Variants in RSPO2 observed in about 807,000 individuals in gnomAD.
RSPO2 encodes the protein R-spondin 2.
Under a neutral mutation model 30.9 loss-of-function variants are expected in RSPO2, and 14 were observed. That is an observed-to-expected ratio of 0.45 (90% confidence interval 0.30 to 0.71). The LOEUF (loss-of-function observed/expected upper bound fraction) is 0.71. Ranked by LOEUF, RSPO2 falls within the 30% of genes least tolerant of loss-of-function variation. The pLI is 0.08. For synonymous variants in RSPO2, 107 were observed against 96.4 expected (o/e 1.11, Z -0.64); for missense variants, 264 against 301.9 (o/e 0.87, Z 0.93).
At chr8:107,951,042 A>AGTTT (rs1554575790) in intron 5 of RSPO2, among the ~76,000 whole-genome samples, 1 of 55,002 alleles carries the variant, frequency 1.8e-5, no homozygotes, top group African/African-American at 6.3e-5. Flanking sequence ...AGGGAGAATA[A>AGTTT]GTTTTTTTTT....
At position 108,036,365 on chromosome 8, in the gene RSPO2, A is replaced by C. The variant is rs190536023; in HGVS notation, c.94+46180T>G. On this transcript the variant is annotated intron_variant, in intron 2 of 5. Coordinates refer to ENST00000276659, the MANE Select transcript of RSPO2 (RefSeq NM_178565.5). ...CTGTTTACAGCATGGTTTACTGAAA[A>C]TATGCTAACATATATAGCAAAAGAT... Among the ~76,000 whole-genome samples the C allele has an allele frequency of 2.4e-3, 361 of 152,314 alleles. 5 individuals carry two copies. Among genetic ancestry groups the C allele is most frequent in the Non-Finnish European group, 2.4e-4 (16 of 68,028 alleles).
intron 3 of RSPO2, chr8:107,983,658 T>C: frequency 3.8e-6 from 6 of 1,592,848 alleles, no homozygotes; most frequent in South Asian, 3.3e-5. Context: ...TGAAGAGGCA[T>C]GTGGAATTCC....
intron 2 of RSPO2, among the ~76,000 whole-genome samples, chr8:107,998,341 G>A (rs139587913): frequency 1.1e-3 from 165 of 152,152 alleles, no homozygotes; most frequent in African/African-American, 3.8e-3. Flanking sequence ...GGCAGCAGTG[G>A]TATAAAAATC....
rs537001118 is a variant in RSPO2 at position 107,899,953 on chromosome 8, T to C, written c.*1122A>G. On this transcript the variant is annotated 3_prime_UTR_variant, in exon 6 of 6. Coordinates refer to ENST00000276659, the MANE Select transcript of RSPO2 (RefSeq NM_178565.5). Reference sequence around the variant, plus strand: ...AATTCTATGCCCAGGCTCATGGTAGTAGCTTCTTCAGTGACCCAAGAACAT... The same window carrying C: ...AATTCTATGCCCAGGCTCATGGTAGCAGCTTCTTCAGTGACCCAAGAACAT... 2 of 152,228 alleles carry C rather than the reference T, an allele frequency of 1.3e-5. No homozygotes were observed. The highest frequency in any genetic ancestry group is 2.9e-5 in the Non-Finnish European group (2 of 68,052). The allele number at this position is 152,228 out of a possible 1,614,324, so 9.4% of individuals were successfully genotyped here. A position where few individuals can be genotyped will look rare whatever the true frequency, so the allele number is the denominator to read the frequency against.
intron 2 of RSPO2, among the ~76,000 whole-genome samples, chr8:108,047,115 G>C (rs1243293691): frequency 6.6e-6 from 1 of 152,118 alleles, no homozygotes; most frequent in East Asian, 1.9e-4. Flanking sequence ...CCTTGCCAGT[G>C]GTCACTCCAA....
At chr8:108,025,646 C>T (rs1811194413) in intron 2 of RSPO2, among the ~76,000 whole-genome samples, 1 of 152,102 alleles carries the variant, frequency 6.6e-6, no homozygotes, top group South Asian at 2.1e-4. Flanking sequence ...CCACCTCAGC[C>T]TCCCACATAG....
chr8:107,958,244 C>G lies in RSPO2; in HGVS notation c.452G>C (p.Ser151Thr). Reference sequence around the variant, plus strand: ...ATTTCTGCTACAAGTTCCCCATTCGCTCCAATGACCAACTTCACATCCTTC... The same window carrying G: ...ATTTCTGCTACAAGTTCCCCATTCGGTCCAATGACCAACTTCACATCCTTC... ...CVEGCEVGHWSEWGTCSRNNR... is the reference protein window; with the variant it reads ...CVEGCEVGHWTEWGTCSRNNR... The change falls in exon 5 of 6, where the codon AGC (serine) becomes ACC (threonine). Residue 151 changes from serine (S) to threonine (T), a missense_variant. Transcript: ENST00000276659. The G allele has an allele frequency of 6.2e-7, 1 of 1,613,538 alleles. No homozygotes were observed. Among genetic ancestry groups the G allele is most frequent in the Non-Finnish European group, 8.5e-7 (1 of 1,179,660 alleles).
At chr8:107,997,521 A>T (rs1474502826) in intron 2 of RSPO2, among the ~76,000 whole-genome samples, 1 of 152,216 alleles carries the variant, frequency 6.6e-6, no homozygotes, top group Non-Finnish European at 1.5e-5. Context: ...AATATATCTC[A>T]TAAAACATGG....
At chr8:107,996,947 C>T (rs906469136) in intron 2 of RSPO2, 1 of 454,024 alleles carries the variant, frequency 2.2e-6, no homozygotes, top group African/African-American at 2.0e-5. Context: ...TATAACCCTA[C>T]ACACGAGGAA....
At chr8:108,005,545 C>G (rs779228670) in intron 2 of RSPO2, among the ~76,000 whole-genome samples, 3 of 151,730 alleles carry the variant, frequency 2.0e-5, no homozygotes, top group African/African-American at 4.9e-5. Context: ...TTGTTTGTTA[C>G]GTCAAACAAG....
chr8:108,047,658 A>C (rs945973818), intron 2 of RSPO2, among the ~76,000 whole-genome samples: 6 of 151,874 alleles, frequency 4.0e-5, no homozygotes, highest in Non-Finnish European at 8.8e-5. Flanking sequence ...GACCACCCTG[A>C]CCAACATAGT....
intron 5 of RSPO2, among the ~76,000 whole-genome samples, chr8:107,936,509 G>A (rs761501861): frequency 1.9e-4 from 29 of 152,184 alleles, no homozygotes; most frequent in Middle Eastern, 3.4e-3. Flanking sequence ...GGGTCATACG[G>A]TAGTTTCAGT....
At chr8:107,987,203 C>T (rs1199652162) in intron 3 of RSPO2, among the ~76,000 whole-genome samples, 3 of 151,944 alleles carry the variant, frequency 2.0e-5, no homozygotes, top group Admixed American at 2.0e-4. Context: ...TTTTTAAAGC[C>T]TCCGCAATTT....
At chr8:107,925,030 T>TC (rs1812314160) in intron 5 of RSPO2, among the ~76,000 whole-genome samples, 1 of 152,082 alleles carries the variant, frequency 6.6e-6, no homozygotes, top group Non-Finnish European at 1.5e-5. Context: ...CATAGCTATC[T>TC]CCCATTTATA....
intron 2 of RSPO2, among the ~76,000 whole-genome samples, chr8:108,037,130 T>A (rs1234641458): frequency 6.6e-6 from 1 of 152,170 alleles, no homozygotes; most frequent in Non-Finnish European, 1.5e-5. Flanking sequence ...GTGATTAAGC[T>A]TAGTGAGCAG....
intron 4 of RSPO2, among the ~76,000 whole-genome samples, chr8:107,959,835 C>G (rs529833082): frequency 6.6e-6 from 1 of 152,288 alleles, no homozygotes; most frequent in African/African-American, 2.4e-5. Flanking sequence ...TTTGCAAGCT[C>G]TCAAATACAC....
intron 5 of RSPO2, among the ~76,000 whole-genome samples, chr8:107,914,688 G>A (rs1402177031): frequency 6.6e-6 from 1 of 152,080 alleles, no homozygotes; most frequent in Non-Finnish European, 1.5e-5. Context: ...TTTCATTACA[G>A]TAGCTTAGAA....
chr8:108,060,973 C>G (rs1362320354), intron 2 of RSPO2, among the ~76,000 whole-genome samples: 1 of 151,728 alleles, frequency 6.6e-6, no homozygotes, highest in Admixed American at 6.6e-5. Context: ...CCTTTACAGA[C>G]AAGCAAATGC....
In RSPO2 at chr8:108,082,727, G is replaced by T. The variant is rs944714927; in HGVS notation, c.-89C>A. 1 of 1,045,496 alleles carries T rather than the reference G, an allele frequency of 9.6e-7. No homozygotes were observed. Among genetic ancestry groups the T allele is most frequent in the Non-Finnish European group, 1.4e-6 (1 of 690,770 alleles). The allele number at this position is 1,045,496 out of a possible 1,614,324, so 64.8% of individuals were successfully genotyped here. On this transcript the variant is annotated 5_prime_UTR_variant, in exon 2 of 6. Coordinates refer to ENST00000276659, the MANE Select transcript of RSPO2 (RefSeq NM_178565.5). Reference sequence around the variant, plus strand: ...AGCCGGCGCCGGCCGCGCTGCTGGGGAGGACTCAGAGGGAGACTCGCCACT... The same window carrying T: ...AGCCGGCGCCGGCCGCGCTGCTGGGTAGGACTCAGAGGGAGACTCGCCACT...
Sources: allele counts gnomAD v4.1 joint callset (sites outside exome capture counted in the v4.1 genomes callset), GRCh38; gene constraint gnomAD v4.1.1; transcripts MANE v1.5; gene names NCBI Gene and HGNC (gene_info 2026-07-23, HGNC 2026-07-21).